The following SHQ1 variants were observed in gnomAD, a reference collection of about 807,000 sequenced individuals.
The protein encoded by SHQ1 is SHQ1, H/ACA ribonucleoprotein assembly factor.
A neutral mutation model predicts 53.8 loss-of-function variants in SHQ1; 49 were observed. That is an observed-to-expected ratio of 0.91 (90% CI 0.72 to 1.16). The LOEUF is 1.16. Among genes scored for constraint, SHQ1 ranks in the 50% most tolerant of loss-of-function variants. The probability of loss-of-function intolerance (pLI) is 0.00; values close to 1 mark genes in which losing one functional copy is unlikely to be tolerated. For missense variants in SHQ1, 738 were observed against 683.1 expected, an observed-to-expected ratio of 1.08 and a Z score of -0.90; for synonymous variants, 243 against 251.0, an observed-to-expected ratio of 0.97 and a Z score of 0.30.
intron 2 of SHQ1, among the ~76,000 whole-genome samples, chr3:72,842,882 T>G (rs896379702): frequency 3.3e-5 from 5 of 152,180 alleles, no homozygotes; most frequent in African/African-American, 1.2e-4. Flanking sequence ...AACACCATCC[T>G]GGCCAACATG....
the SHQ1 span, among the ~76,000 whole-genome samples, chr3:72,744,178 C>T: frequency 6.6e-6 from 1 of 152,202 alleles, no homozygotes; most frequent in African/African-American, 2.4e-5. Flanking sequence ...CAGACCAAGC[C>T]GGGCTCACAA....
chr3:72,839,995 C>T (rs1403373052), intron 4 of SHQ1, among the ~76,000 whole-genome samples: 2 of 152,124 alleles, frequency 1.3e-5, no homozygotes, highest in East Asian at 1.9e-4. Flanking sequence ...CTCCTGACCT[C>T]GTGATCCACC....
downstream of SHQ1, among the ~76,000 whole-genome samples, chr3:72,745,700 C>T (rs995242081): frequency 1.3e-5 from 2 of 152,126 alleles, no homozygotes; most frequent in African/African-American, 2.4e-5. Context: ...TAAACCCTTA[C>T]GTTGGTTTAA....
At chr3:72,846,355 C>G in intron 1 of SHQ1, 1 of 1,500,682 alleles carries the variant, frequency 6.7e-7, no homozygotes, top group Non-Finnish European at 8.9e-7. Flanking sequence ...AGTGCGATAG[C>G]GCAATCTTGG....
downstream of SHQ1, among the ~76,000 whole-genome samples, chr3:72,746,834 T>TA (rs1705267575): frequency 6.6e-6 from 1 of 152,174 alleles, no homozygotes; most frequent in Admixed American, 6.5e-5. Flanking sequence ...TCAGTGGAAG[T>TA]AAATGAGGGG....
Position 72,777,944 on chromosome 3 carries a change from T to C in SHQ1, c.1181+14972A>G, listed in dbSNP as rs116059904. Among the ~76,000 whole-genome samples, 397 of 152,192 alleles carry C rather than the reference T, an allele frequency of 2.6e-3. 3 individuals carry two copies. Among genetic ancestry groups the C allele is most frequent in the African/African-American group, 9.2e-3 (384 of 41,518 alleles). Reference sequence around the variant, plus strand: ...TTTTAAAATCAAAAGAAACAAGTAATAGAAGAACCATACATATAGCATGAT... The same window carrying C: ...TTTTAAAATCAAAAGAAACAAGTAACAGAAGAACCATACATATAGCATGAT... On this transcript the variant is annotated intron_variant, in intron 10 of 10. Coordinates refer to ENST00000325599, the MANE Select transcript of SHQ1 (RefSeq NM_018130.3).
chr3:72,769,210 A>G (rs549582006), intron 10 of SHQ1, among the ~76,000 whole-genome samples: 42 of 152,314 alleles, frequency 2.8e-4, no homozygotes, highest in African/African-American at 8.7e-4. Flanking sequence ...AGCTCTAGCC[A>G]ATTGTTACCA....
At chr3:72,767,189 T>C (rs1294264491) in intron 10 of SHQ1, among the ~76,000 whole-genome samples, 2 of 152,196 alleles carry the variant, frequency 1.3e-5, no homozygotes, top group African/African-American at 4.8e-5. Flanking sequence ...ACCCATCTGA[T>C]CCTTTCATCA....
At chr3:72,753,740 G>T in intron 10 of SHQ1, 1 of 606,140 alleles carries the variant, frequency 1.6e-6, no homozygotes, top group Non-Finnish European at 2.1e-6. Context: ...TATAACCCCT[G>T]GCTAATCTTT....
intron 10 of SHQ1, among the ~76,000 whole-genome samples, chr3:72,782,858 C>T (rs2106761977): frequency 6.6e-6 from 1 of 152,280 alleles, no homozygotes; most frequent in Non-Finnish European, 1.5e-5. Context: ...TCAATGTAAG[C>T]CTTTTCTCTG....
At chr3:72,806,539 A>G (rs1425649160) in intron 9 of SHQ1, among the ~76,000 whole-genome samples, 1 of 152,236 alleles carries the variant, frequency 6.6e-6, no homozygotes, top group Non-Finnish European at 1.5e-5. Flanking sequence ...AAGCAATAAT[A>G]TTTAAAAAGT....
intron 6 of SHQ1, 81 bp from the exon 7 acceptor site, chr3:72,817,465 C>T: frequency 7.6e-7 from 1 of 1,315,200 alleles, no homozygotes; most frequent in Admixed American, 2.5e-5. Flanking sequence ...AAAATTAGAA[C>T]TTTGATTATA....
chr3:72,792,761 G>A (rs114312291), intron 10 of SHQ1, among the ~76,000 whole-genome samples, 155 bp downstream of exon 10: 5,004 of 137,016 alleles, frequency 0.037, 241 homozygotes, highest in African/African-American at 0.11. Context: ...TCCAGCCTGG[G>A]TGACAAGGGC....
intron 10 of SHQ1, chr3:72,773,483 TAAAAAA>T: frequency 1.3e-5 from 2 of 154,446 alleles, no homozygotes; most frequent in South Asian, 2.3e-4. Context: ...AAAGACAGCT[TAAAAAA>T]AAAAAAAAGA....
At chr3:72,733,458 G>T in the SHQ1 span, among the ~76,000 whole-genome samples, 1 of 151,596 alleles carries the variant, frequency 6.6e-6, no homozygotes, top group Non-Finnish European at 1.5e-5. Context: ...TTCTCATGAG[G>T]TTTACATTCT....
At chr3:72,824,283 T>C (rs1707576517) in intron 6 of SHQ1, 141 bp downstream of exon 6, 2 of 996,672 alleles carry the variant, frequency 2.0e-6, no homozygotes, top group Non-Finnish European at 2.8e-6. Context: ...AAAGAAGTCA[T>C]TTCCAAAATT....
chr3:72,827,111 G>A (rs1451620532), intron 5 of SHQ1, among the ~76,000 whole-genome samples: 2 of 151,996 alleles, frequency 1.3e-5, no homozygotes, highest in Non-Finnish European at 2.9e-5. Flanking sequence ...AGCTCGAGGA[G>A]TGAAAAATGA....
At chr3:72,760,788 TG>T (rs1225997164) in intron 10 of SHQ1, among the ~76,000 whole-genome samples, 3 of 152,174 alleles carry the variant, frequency 2.0e-5, no homozygotes, top group African/African-American at 7.2e-5. Flanking sequence ...AAAAATACAA[TG>T]TGGAGCTAGA....
At chr3:72,792,652 G>A (rs187132906) in intron 10 of SHQ1, among the ~76,000 whole-genome samples, 24 of 152,082 alleles carry the variant, frequency 1.6e-4, no homozygotes, top group Non-Finnish European at 3.1e-4. Context: ...AGGCGTGGTG[G>A]CACACGCCTG....
Sources: gnomAD v4.1 joint callset for allele counts (sites outside exome capture counted in the v4.1 genomes callset) on GRCh38, gnomAD v4.1.1 for gene constraint, MANE v1.5 for transcripts, NCBI Gene and HGNC (gene_info 2026-07-23, HGNC 2026-07-21) for gene names.